TTC39B: variants seen among roughly 807,000 people sequenced by gnomAD.
The protein encoded by TTC39B is tetratricopeptide repeat domain 39B.
A neutral mutation model predicts 96.6 loss-of-function variants in TTC39B; 92 were observed. The ratio of observed to expected loss-of-function variants is 0.95; its 90% CI spans 0.80 to 1.13. The LOEUF is 1.13. Ranked by LOEUF, TTC39B falls within the 50% of genes most tolerant of loss-of-function variation. TTC39B has a pLI of 0.00. For missense variants in TTC39B, 955 were observed against 809.3 expected, an observed-to-expected ratio of 1.18 and a Z score of -2.18; for synonymous variants, 367 against 299.4, an observed-to-expected ratio of 1.23 and a Z score of -2.33.
intron 1 of TTC39B, among the ~76,000 whole-genome samples, chr9:15,289,401 G>T (rs77304078): frequency 3.5e-4 from 53 of 152,280 alleles, no homozygotes; most frequent in African/African-American, 1.3e-3. Flanking sequence ...ATTAATGGAT[G>T]CAAATAAGTA....
At chr9:15,202,732 C>CA (rs1174910569) in intron 7 of TTC39B, among the ~76,000 whole-genome samples, 271 of 130,256 alleles carry the variant, frequency 2.1e-3, no homozygotes, top group Middle Eastern at 4.0e-3. Flanking sequence ...CCTCCCCCAC[C>CA]AAAAAAAAAA....
chr9:15,256,305 C>G (rs536118102), intron 2 of TTC39B, among the ~76,000 whole-genome samples: 1 of 152,280 alleles, frequency 6.6e-6, no homozygotes, highest in South Asian at 2.1e-4. Flanking sequence ...TGCCACTTTA[C>G]TCTTGGACCT....
At chr9:15,221,093 G>C (rs13298186) in intron 3 of TTC39B, among the ~76,000 whole-genome samples, 9 of 152,130 alleles carry the variant, frequency 5.9e-5, no homozygotes, top group Non-Finnish European at 1.3e-4. Flanking sequence ...TGTTCCCTTG[G>C]GAGTCACTAA....
intron 8 of TTC39B, among the ~76,000 whole-genome samples, chr9:15,196,016 C>T (rs1490563891): frequency 2.6e-5 from 4 of 152,160 alleles, no homozygotes; most frequent in African/African-American, 9.7e-5. Flanking sequence ...TCTGCCAGTG[C>T]TCTATAATTA....
intron 2 of TTC39B, among the ~76,000 whole-genome samples, chr9:15,251,662 C>T (rs533389799): frequency 1.8e-4 from 20 of 113,702 alleles, no homozygotes; most frequent in African/African-American, 3.6e-4. Context: ...TATATATATA[C>T]GCGCATACAC....
At chr9:15,183,485 C>G (rs1301509837) in intron 16 of TTC39B, 2 of 350,748 alleles carry the variant, frequency 5.7e-6, no homozygotes, top group Non-Finnish European at 1.1e-5. Context: ...AAAAAAATCC[C>G]AGTACTAACA....
At chr9:15,187,118 T>C (rs1818572442) in intron 14 of TTC39B, 83 bp from the exon 15 acceptor site, 3 of 962,234 alleles carry the variant, frequency 3.1e-6, no homozygotes, top group South Asian at 3.8e-5. Context: ...GACCAACAAG[T>C]CTTCCAGATA....
intron 6 of TTC39B, among the ~76,000 whole-genome samples, chr9:15,206,352 T>C (rs1035897682): frequency 6.6e-6 from 1 of 152,110 alleles, no homozygotes; most frequent in African/African-American, 2.4e-5. Context: ...TAAATGAAAA[T>C]TACCAAGAGG....
intron 1 of TTC39B, among the ~76,000 whole-genome samples, chr9:15,304,167 A>C (rs1308314648): frequency 6.6e-6 from 1 of 152,228 alleles, no homozygotes; most frequent in Non-Finnish European, 1.5e-5. Context: ...AAGGTAACCA[A>C]CTAAAATGAC....
chr9:15,214,315 A>AGT (rs199807096), intron 3 of TTC39B, 66 bp from the exon 4 acceptor site: 30,959 of 727,098 alleles, frequency 0.043, 533 homozygotes, highest in East Asian at 0.19. Flanking sequence ...GTCCGAAGGG[A>AGT]GTGTGTGTGT....
intron 1 of TTC39B, among the ~76,000 whole-genome samples, chr9:15,285,391 C>T (rs1443296991): frequency 6.6e-6 from 1 of 151,970 alleles, no homozygotes; most frequent in African/African-American, 2.4e-5. Context: ...CAAAAAGTTG[C>T]CAGAATAAGA....
intron 2 of TTC39B, among the ~76,000 whole-genome samples, chr9:15,252,334 T>C (rs1563765077): frequency 6.6e-6 from 1 of 152,178 alleles, no homozygotes; most frequent in African/African-American, 2.4e-5. Flanking sequence ...TTTAATCAAT[T>C]ACAACATATC....
chr9:15,239,501 T>A (rs1041007126), intron 2 of TTC39B, among the ~76,000 whole-genome samples: 1 of 152,168 alleles, frequency 6.6e-6, no homozygotes, highest in African/African-American at 2.4e-5. Context: ...AATAGCAAAG[T>A]CATAGAACCA....
chr9:15,185,594 G>T, intron 15 of TTC39B, 188 bp from the exon 16 acceptor site: 1 of 757,640 alleles, frequency 1.3e-6, no homozygotes, highest in African/African-American at 1.8e-5. Flanking sequence ...CAGGGCCGGG[G>T]CCGAGCAATC....
At chr9:15,202,702 G>T (rs1269962655) in intron 7 of TTC39B, among the ~76,000 whole-genome samples, 2 of 149,992 alleles carry the variant, frequency 1.3e-5, no homozygotes, top group Admixed American at 6.7e-5. Context: ...ACAGAATGAG[G>T]CTCCAACCAC....
At chr9:15,282,257 T>C (rs1402802897) in intron 1 of TTC39B, among the ~76,000 whole-genome samples, 2 of 152,112 alleles carry the variant, frequency 1.3e-5, no homozygotes, top group East Asian at 3.9e-4. Context: ...TCATATACAT[T>C]ATCCACCAAA....
chr9:15,218,632 T>TAAAAAAAAAAAAAAAATATATA (rs545882970), intron 3 of TTC39B, among the ~76,000 whole-genome samples: 34 of 105,150 alleles, frequency 3.2e-4, no homozygotes, highest in African/African-American at 1.1e-3. Flanking sequence ...TTAGTCTATT[T>TAAAAAAAAAAAAAAAATATATA]TAAATATATA....
chr9:15,301,779 A>G (rs1199395038), intron 1 of TTC39B, among the ~76,000 whole-genome samples: 1 of 152,038 alleles, frequency 6.6e-6, no homozygotes, highest in African/African-American at 2.4e-5. Context: ...GAAGAAGAAA[A>G]GAAAGAAAAT....
chr9:15,236,077 C>T (rs1215651164), intron 2 of TTC39B, among the ~76,000 whole-genome samples: 2 of 152,114 alleles, frequency 1.3e-5, no homozygotes, highest in African/African-American at 4.8e-5. Flanking sequence ...AAGTGACCCA[C>T]CTACTGGCTA....
Sources: allele counts gnomAD v4.1 joint callset (sites outside exome capture counted in the v4.1 genomes callset), GRCh38; gene constraint gnomAD v4.1.1; transcripts MANE v1.5; gene names NCBI Gene and HGNC (gene_info 2026-07-23, HGNC 2026-07-21).